Variants in OOEP observed in about 807,000 individuals in gnomAD.
OOEP encodes oocyte expressed protein, also known as oocyte-expressed protein homolog.
OOEP carries 16 observed loss-of-function variants against 13.7 expected under a neutral mutation model. The ratio of observed to expected loss-of-function variants is 1.16; its 90% CI spans 0.79 to 1.77. The LOEUF is 1.77. Among genes scored for constraint, OOEP ranks in the 40% most tolerant of loss-of-function variants. OOEP has a pLI of 0.00. For synonymous variants in OOEP, 89 were observed against 77.1 expected (o/e 1.15, Z -0.81); for missense variants, 195 against 193.1 (o/e 1.01, Z -0.06).
upstream of OOEP, among the ~76,000 whole-genome samples, chr6:73,372,173 A>G (rs1272890308): frequency 6.6e-6 from 1 of 152,168 alleles, no homozygotes; most frequent in Non-Finnish European, 1.5e-5. Flanking sequence ...TAGACAAAGA[A>G]TATTTTACCC....
intron 2 of OOEP, among the ~76,000 whole-genome samples, chr6:73,381,297 G>A (rs1478320909): frequency 1.3e-5 from 2 of 151,690 alleles, no homozygotes; most frequent in African/African-American, 4.8e-5. Flanking sequence ...GAAGGGAGGT[G>A]GATAGGCCCA....
At chr6:73,386,808 A>G (rs1769278255) in intron 2 of OOEP, among the ~76,000 whole-genome samples, 1 of 151,884 alleles carries the variant, frequency 6.6e-6, no homozygotes, top group African/African-American at 2.4e-5. Context: ...TCTATTAAAA[A>G]TACAAAAAAA....
rs186646064 is a variant in OOEP, at chr6:73,393,331, A to G, written c.25+1015T>C. 1.9e-3 allele frequency among the ~76,000 whole-genome samples: 284 copies of G among 152,118 alleles called. 9 individuals carry two copies. The highest frequency in any genetic ancestry group is 0.018 in the Admixed American group (280 of 15,270). On this transcript the variant is annotated intron_variant, in intron 2 of 3. Transcript: ENST00000370363. ...GATGTTGAACCTTGGGGCTCAAGAG[A>G]TCCTCCGCCTAGGCCTCCTAAAGTG...
chr6:73,388,302 TAAC>T (rs1289326866), intron 2 of OOEP, among the ~76,000 whole-genome samples: 4 of 27,080 alleles, frequency 1.5e-4, no homozygotes, highest in Non-Finnish European at 2.4e-4. Flanking sequence ...ATTATATGTC[TAAC>T]AACATGGATG....
At chr6:73,394,823 C>T in exon 1 of OOEP, 20 of 1,552,830 alleles carry the variant, frequency 1.3e-5, no homozygotes, top group Admixed American at 1.9e-5. Context: ...CGTGGCTTCC[C>T]TGGCACGCTA....
At chr6:73,377,382 C>T (rs768831388) in intron 2 of OOEP, among the ~76,000 whole-genome samples, 4 of 152,266 alleles carry the variant, frequency 2.6e-5, no homozygotes, top group East Asian at 3.9e-4. Flanking sequence ...GTTTCTGGGA[C>T]GGCTTTATTA....
At chr6:73,393,828 CA>C (rs976097667) in intron 2 of OOEP, among the ~76,000 whole-genome samples, 1 of 151,884 alleles carries the variant, frequency 6.6e-6, no homozygotes, top group Non-Finnish European at 1.5e-5. Flanking sequence ...AGAAAACAAA[CA>C]AAAAAAACAT....
At chr6:73,376,813 G>A (rs1769145495) in intron 2 of OOEP, among the ~76,000 whole-genome samples, 1 of 152,132 alleles carries the variant, frequency 6.6e-6, no homozygotes, top group East Asian at 1.9e-4. Context: ...CACCATGCCT[G>A]GCTAATTTTT....
upstream of OOEP, among the ~76,000 whole-genome samples, chr6:73,371,179 C>T (rs1316338946): frequency 2.0e-5 from 3 of 152,168 alleles, no homozygotes; most frequent in Non-Finnish European, 4.4e-5. Context: ...TGTGGAGGTT[C>T]CAGTTTTCTG....
intron 2 of OOEP, among the ~76,000 whole-genome samples, chr6:73,376,148 C>T (rs1270458618): frequency 6.6e-6 from 1 of 152,136 alleles, no homozygotes; most frequent in Non-Finnish European, 1.5e-5. Flanking sequence ...TCTAAAATTA[C>T]AGACTATCAG....
chr6:73,379,638 C>CA (rs370843381), intron 2 of OOEP, among the ~76,000 whole-genome samples: 53 of 17,730 alleles, frequency 3.0e-3, no homozygotes, highest in Admixed American at 8.2e-3. Context: ...GACTCTATCT[C>CA]AAAAAAAAAA....
chr6:73,386,306 C>T (rs2150782758), intron 2 of OOEP, among the ~76,000 whole-genome samples: 1 of 151,866 alleles, frequency 6.6e-6, no homozygotes. Context: ...GTTGATCAGG[C>T]TGTTCTCGAA....
Position 73,382,214 on chromosome 6 carries a change from ATTTTTT to A in OOEP, c.25+12126_25+12131del, listed in dbSNP as rs70994196. On this transcript the variant is annotated intron_variant, in intron 2 of 3. Coordinates refer to the OOEP transcript ENST00000370363. Reference sequence around the variant, plus strand: ...AGGCATGCACTACCACACCTGGCTAATTTTTTTTTTTTTTTTTTTTTGAGATGGAGT... The same window carrying A: ...AGGCATGCACTACCACACCTGGCTAATTTTTTTTTTTTTTTGAGATGGAGT... Among the ~76,000 whole-genome samples, 12 of 98,102 alleles carry A rather than the reference ATTTTTT, an allele frequency of 1.2e-4. No individual in the cohort carries two copies. The Middle Eastern group carries it at 0.022, about 183-fold the overall frequency. The allele number at this position is 98,102 out of a possible 152,430, so 64.4% of individuals were successfully genotyped here.
intron 2 of OOEP, among the ~76,000 whole-genome samples, chr6:73,385,292 G>A (rs1187232836): frequency 6.6e-6 from 1 of 151,708 alleles, no homozygotes; most frequent in African/African-American, 2.4e-5. Context: ...CTTGCAGTGA[G>A]CCAAGATTGC....
chr6:73,374,502 C>G (rs764833184), upstream of OOEP, among the ~76,000 whole-genome samples: 1 of 152,218 alleles, frequency 6.6e-6, no homozygotes, highest in Non-Finnish European at 1.5e-5. Flanking sequence ...AGGCCTGCCC[C>G]CAGCCCTGAA....
intron 2 of OOEP, among the ~76,000 whole-genome samples, chr6:73,386,291 TC>T (rs896793601): frequency 6.6e-6 from 1 of 151,762 alleles, no homozygotes; most frequent in African/African-American, 2.4e-5. Context: ...ACGGGGTTTC[TC>T]CATGTTGATC....
intron 2 of OOEP, chr6:73,391,272 G>A (rs148136776): frequency 1.3e-5 from 2 of 152,582 alleles, no homozygotes; most frequent in African/African-American, 4.8e-5. Context: ...TTGGCCCTGT[G>A]TGTCTTATCT....
chr6:73,385,451 C>A (rs1464010193), intron 2 of OOEP, among the ~76,000 whole-genome samples: 1 of 151,960 alleles, frequency 6.6e-6, no homozygotes, highest in African/African-American at 2.4e-5. Flanking sequence ...TGGATTAAAT[C>A]AAAAGTCAAT....
chr6:73,372,022 C>A (rs370700618), upstream of OOEP, among the ~76,000 whole-genome samples: 18 of 152,166 alleles, frequency 1.2e-4, no homozygotes, highest in African/African-American at 4.3e-4. Flanking sequence ...GCTAGCAGAT[C>A]GCTTAAGCCA....
Sources: gnomAD v4.1 joint callset for allele counts (sites outside exome capture counted in the v4.1 genomes callset) on GRCh38, gnomAD v4.1.1 for gene constraint, MANE v1.5 for transcripts, NCBI Gene and HGNC (gene_info 2026-07-23, HGNC 2026-07-21) for gene names.